EEF2: variants seen among roughly 807,000 people sequenced by gnomAD.
EEF2 encodes the protein eukaryotic translation elongation factor 2.
Under a neutral mutation model 85.3 loss-of-function variants are expected in EEF2, and 21 were observed. That is an observed-to-expected ratio of 0.25 (90% CI 0.17 to 0.35). The LOEUF is 0.35. Among genes scored for constraint, EEF2 ranks in the 10% least tolerant of loss-of-function variants. EEF2 has a pLI of 1.00. For synonymous variants in EEF2, 723 were observed against 508.8 expected (o/e 1.42, Z -5.67); for missense variants, 825 against 1,225.3 (o/e 0.67, Z 4.88).
At chr19:3,985,329 C>T (rs771815543) in intron 1 of EEF2, 49 bp downstream of exon 1, 5 of 1,425,836 alleles carry the variant, frequency 3.5e-6, no homozygotes, top group South Asian at 3.0e-5. Context: ...GTAGGCCCCG[C>T]GGAGGCCCCG....
At position 3,982,828 on chromosome 19, in the gene EEF2, G is replaced by A. The variant is rs200676254; in HGVS notation, c.591C>T (p.Ser197=). The A allele has an allele frequency of 7.1e-5, 114 of 1,612,002 alleles. No homozygotes were observed. Among genetic ancestry groups the A allele is most frequent in the Admixed American group, 5.3e-4 (32 of 59,916 alleles). Residue 197 remains serine (S), a synonymous_variant, in exon 4 of 15, where the codon AGC becomes AGT. Transcript: ENST00000309311. The stretch of plus-strand genomic sequence containing the variant: ...GTACCATGATGTTGCCCATGGGGCC[G>A]CTCTCGCCCTCGCCGTAGGTGGAGA... The part of the protein sequence containing the change: ...VIISTYGEGE[S]GPMGNIMIDP...
In EEF2 at chr19:3,977,062, G is replaced by A. The variant is rs929670856; in HGVS notation, c.2383+153C>T. ...TCCCCTGGGAATTCAGTGATTTAGG[G>A]GGTCCACAAGCTGTCAGAAACTGGA... On this transcript the variant is annotated intron_variant, in intron 14 of 14. Transcript: ENST00000309311. This position sits in a 1 kb window ranked among gnomAD's most constrained non-coding sequence, Gnocchi z 5.4. Among the ~76,000 whole-genome samples the A allele has an allele frequency of 6.6e-6, 1 of 152,188 alleles. No individual in the cohort carries two copies. The highest frequency in any genetic ancestry group is 1.5e-5 in the Non-Finnish European group (1 of 68,030).
chr19:3,981,814 C>T, intron 6 of EEF2, 133 bp downstream of exon 6: 3 of 799,428 alleles, frequency 3.8e-6, no homozygotes, highest in South Asian at 3.2e-5. Context: ...CAGTTAGGAG[C>T]TGTGCCTCCT....
chr19:3,976,628 C>A lies in EEF2; in HGVS notation c.2503G>T (p.Val835Leu). The A allele has an allele frequency of 6.2e-7, 1 of 1,610,728 alleles. No individual in the cohort carries two copies. Among genetic ancestry groups the A allele is most frequent in the South Asian group, 1.1e-5 (1 of 90,444 alleles). ...CCCTTGCGCTTGCGGGTCTCCGCCA[C>A]CACCTGGCTGGGGCGGCTGCTGTTG... ...FDNSSRPSQV[V>L]AETRKRKGLK... Residue 835 changes from valine to leucine, a missense_variant, in exon 15 of 15, where the codon GTG becomes TTG. Val to Leu is a conservative substitution (Grantham distance 32). Transcript: ENST00000309311.
At chr19:3,983,047 G>A (rs2145365683) in intron 3 of EEF2, 29 bp from the exon 4 acceptor site, 4 of 1,611,670 alleles carry the variant, frequency 2.5e-6, no homozygotes, top group Non-Finnish European at 3.4e-6. Flanking sequence ...GGGCGGCGCT[G>A]TCATCCTCAA....
intron 1 of EEF2, chr19:3,984,897 G>A (rs2039800392): frequency 1.2e-5 from 2 of 169,194 alleles, no homozygotes; most frequent in African/African-American, 2.4e-5. Flanking sequence ...AAGGACAAGT[G>A]CCTAAGGTCG....
At position 3,977,175 on chromosome 19, in the gene EEF2, G is replaced by A. The variant is rs753005587; in HGVS notation, c.2383+40C>T. On this transcript the variant is annotated intron_variant, in intron 14 of 14. Coordinates refer to ENST00000309311, the MANE Select transcript of EEF2 (RefSeq NM_001961.4). This position sits in a 1 kb window ranked among gnomAD's most constrained non-coding sequence, Gnocchi z 5.4. ...AACTGGGCTTCTGTCCCCCAAACCAGCCTGCCAGGCTCTGCAGGCCACACC... is the reference window on the plus strand; with the variant it reads ...AACTGGGCTTCTGTCCCCCAAACCAACCTGCCAGGCTCTGCAGGCCACACC... 5 of 1,600,300 alleles carry A rather than the reference G, an allele frequency of 3.1e-6. No homozygotes were observed. In the Admixed American group the frequency reaches 8.5e-5, roughly 27 times the overall value.
chr19:3,977,604 G>C lies in EEF2; in HGVS notation c.2074C>G (p.Leu692Val). 1 of 1,520,546 alleles carries C rather than the reference G, an allele frequency of 6.6e-7. No individual in the cohort carries two copies. Among genetic ancestry groups the C allele is most frequent in the Non-Finnish European group, 8.8e-7 (1 of 1,138,234 alleles). 94.2% of individuals were successfully genotyped at this position (1,520,546 alleles called of 1,614,324 possible). The change falls in exon 13 of 15, where the codon CTG becomes GTG. Residue 692 changes from leucine to valine, a missense_variant. Leu to Val is a conservative substitution (Grantham distance 32). Transcript: ENST00000309311. The surrounding 1 kb of genome is among the most constrained non-coding windows in gnomAD (Gnocchi z 5.4). ...ACACCCCGCATGTTCTCCTCACACA[G>C]TGCGCCCTGGGGGAGGGGGAGAGCC... ...GFQWATKEGA[L>V]CEENMRGVRF...
intron 1 of EEF2, chr19:3,985,018 G>A (rs1425006037): frequency 2.0e-5 from 6 of 305,468 alleles, no homozygotes; most frequent in Non-Finnish European, 3.0e-5. Context: ...GCAGAAAATC[G>A]ATCTCAAACT....
At chr19:3,978,282 G>A (rs2039701590) in intron 11 of EEF2, 110 bp from the exon 12 acceptor site, 7 of 895,100 alleles carry the variant, frequency 7.8e-6, no homozygotes, top group Middle Eastern at 2.2e-4. Flanking sequence ...CAGCCTGGTA[G>A]AGCCACGTCA....
chr19:3,984,686 G>GC (rs777167915), intron 1 of EEF2: 24 of 242,882 alleles, frequency 9.9e-5, no homozygotes, highest in Non-Finnish European at 1.5e-4. Flanking sequence ...CTCTCCTAAA[G>GC]CCCCCTCCAC....
Position 3,976,400 on chromosome 19 carries a change from T to C in EEF2, c.*154A>G, listed in dbSNP as rs979789859. ...TATTGAAAGAAACGGCATCAAGTGTTATGGTTGAGTGATGGCACGCAGCGG... is the reference window on the plus strand; with the variant it reads ...TATTGAAAGAAACGGCATCAAGTGTCATGGTTGAGTGATGGCACGCAGCGG... On this transcript the variant is annotated 3_prime_UTR_variant, in exon 15 of 15. Transcript: ENST00000309311. 6.4e-6 allele frequency: 5 copies of C among 775,838 alleles called. No individual in the cohort carries two copies. Among genetic ancestry groups the C allele is most frequent in the Non-Finnish European group, 1.0e-5 (5 of 495,420 alleles). The allele number at this position is 775,838 out of a possible 1,614,324, so 48.1% of individuals were successfully genotyped here. A position where few individuals can be genotyped will look rare whatever the true frequency, so the allele number is the denominator to read the frequency against.
intron 1 of EEF2, chr19:3,984,874 T>C (rs2039799735): frequency 6.0e-6 from 1 of 167,928 alleles, no homozygotes; most frequent in Non-Finnish European, 1.3e-5. Context: ...TTTGTACATC[T>C]GGGAGTCATA....
chr19:3,981,109 T>G, intron 7 of EEF2, 130 bp from the exon 8 acceptor site: 1 of 1,416,154 alleles, frequency 7.1e-7, no homozygotes, highest in South Asian at 1.4e-5. Flanking sequence ...CAGTCCCTTC[T>G]GGAAGGCGGC....
intron 9 of EEF2, 51 bp downstream of exon 9, chr19:3,980,463 G>A: frequency 2.5e-6 from 4 of 1,570,412 alleles, no homozygotes; most frequent in Non-Finnish European, 3.5e-6. Context: ...CTTGGAGCAG[G>A]GCAGGGCCCG....
intron 6 of EEF2, 58 bp from the exon 7 acceptor site, chr19:3,981,510 G>C: frequency 1.3e-6 from 2 of 1,503,568 alleles, no homozygotes; most frequent in Non-Finnish European, 1.8e-6. Context: ...AGGAAGCCTG[G>C]CACTGCTTCC....
At chr19:3,980,208 T>C (rs1056791500) in intron 9 of EEF2, 142 bp from the exon 10 acceptor site, 12 of 1,243,998 alleles carry the variant, frequency 9.6e-6, no homozygotes, top group Non-Finnish European at 1.3e-5. Flanking sequence ...CCCTGACTGC[T>C]GCGTCGGGGC....
chr19:3,978,307 G>A (rs2039701892), intron 11 of EEF2, 135 bp from the exon 12 acceptor site: 1 of 725,264 alleles, frequency 1.4e-6, no homozygotes, highest in African/African-American at 1.8e-5. Context: ...GAACGAAGCG[G>A]AGTCAGTGTT....
rs753104855 is a variant in EEF2 at position 3,982,231 on chromosome 19, T to C, written c.791+15A>G. ...CAGGTGTCAGGAATCCCCCACCATATCCCGCGGGGCTCACCTGTCACCCCA... is the reference window on the plus strand; with the variant it reads ...CAGGTGTCAGGAATCCCCCACCATACCCCGCGGGGCTCACCTGTCACCCCA... On this transcript the variant is annotated intron_variant, in intron 5 of 14. Transcript: ENST00000309311. The C allele has an allele frequency of 2.5e-6, 4 of 1,613,242 alleles. No homozygotes were observed. Among genetic ancestry groups the C allele is most frequent in the South Asian group, 1.1e-5 (1 of 91,056 alleles).
Sources: allele counts gnomAD v4.1 joint callset (sites outside exome capture counted in the v4.1 genomes callset), GRCh38; gene constraint gnomAD v4.1.1; non-coding constraint Gnocchi (gnomAD v3.1); transcripts MANE v1.5; gene names NCBI Gene and HGNC (gene_info 2026-07-23, HGNC 2026-07-21).